BICC1: variants seen among roughly 807,000 people sequenced by gnomAD.
BICC1 encodes protein bicaudal C homolog 1.
In BICC1, 43 loss-of-function variants were observed where a neutral mutation model predicts 111.0. That is an observed-to-expected ratio of 0.39 (90% CI 0.30 to 0.50). BICC1 has a LOEUF of 0.50. Among genes scored for constraint, BICC1 ranks in the 20% least tolerant of loss-of-function variants. The probability of loss-of-function intolerance (pLI) is 0.88; values close to 1 mark genes in which losing one functional copy is unlikely to be tolerated. For synonymous variants in BICC1, 467 were observed against 434.4 expected (o/e 1.07, Z -0.93); for missense variants, 1,091 against 1,203.2 (o/e 0.91, Z 1.38).
intron 1 of BICC1, among the ~76,000 whole-genome samples, chr10:58,577,235 C>T (rs1844139805): frequency 6.6e-6 from 1 of 152,042 alleles, no homozygotes; most frequent in African/African-American, 2.4e-5. Context: ...CACAACAGAC[C>T]CAAGAAGTGG....
At chr10:58,708,149 A>ATTT (rs1225115993) in intron 3 of BICC1, among the ~76,000 whole-genome samples, 3 of 70,080 alleles carry the variant, frequency 4.3e-5, no homozygotes, top group African/African-American at 1.7e-4. Flanking sequence ...TAGCCAGCCA[A>ATTT]TTTTTTTTTT....
At chr10:58,764,916 G>A (rs1286460283) in intron 3 of BICC1, among the ~76,000 whole-genome samples, 1 of 152,140 alleles carries the variant, frequency 6.6e-6, no homozygotes, top group Non-Finnish European at 1.5e-5. Context: ...GGTGATAACT[G>A]TAAATTAGGA....
chr10:58,598,871 A>G (rs1844926327), intron 1 of BICC1, among the ~76,000 whole-genome samples: 1 of 152,232 alleles, frequency 6.6e-6, no homozygotes, highest in Non-Finnish European at 1.5e-5. Context: ...TCAAAATAAG[A>G]CATTTATGCG....
chr10:58,633,633 C>G (rs1180456048), intron 2 of BICC1, among the ~76,000 whole-genome samples: 1 of 152,048 alleles, frequency 6.6e-6, no homozygotes. Flanking sequence ...AAGTTCTGAA[C>G]TTTTGATGAT....
At chr10:58,609,959 A>G (rs1845363206) in intron 1 of BICC1, among the ~76,000 whole-genome samples, 1 of 152,248 alleles carries the variant, frequency 6.6e-6, no homozygotes, top group Non-Finnish European at 1.5e-5. Flanking sequence ...TTATATAAGA[A>G]GAAATAGTGT....
intron 1 of BICC1, among the ~76,000 whole-genome samples, chr10:58,591,587 A>G (rs1426394391): frequency 2.0e-5 from 3 of 152,352 alleles, no homozygotes; most frequent in Admixed American, 6.5e-5. Flanking sequence ...ATTGATAAGT[A>G]TCATTACCTT....
At chr10:58,614,644 C>G (rs935620009) in intron 1 of BICC1, among the ~76,000 whole-genome samples, 1 of 151,942 alleles carries the variant, frequency 6.6e-6, no homozygotes, top group Non-Finnish European at 1.5e-5. Flanking sequence ...GAAATCTTTC[C>G]CTTTTTATTC....
At chr10:58,584,897 A>T (rs1380397067) in intron 1 of BICC1, among the ~76,000 whole-genome samples, 1 of 152,206 alleles carries the variant, frequency 6.6e-6, no homozygotes, top group Admixed American at 6.5e-5. Context: ...GTCAAGTTAT[A>T]AATGATTATA....
chr10:58,711,811 T>TG (rs1196872386), intron 3 of BICC1, among the ~76,000 whole-genome samples: 1 of 151,170 alleles, frequency 6.6e-6, no homozygotes, highest in Non-Finnish European at 1.5e-5. Flanking sequence ...TTTTTTTGTT[T>TG]TTTTTTTTTA....
intron 1 of BICC1, among the ~76,000 whole-genome samples, chr10:58,561,923 T>G (rs1399975699): frequency 3.3e-5 from 5 of 152,304 alleles, no homozygotes; most frequent in Non-Finnish European, 7.4e-5. Flanking sequence ...CAGTTTTCTT[T>G]CAGCATTTTG....
chr10:58,688,871 G>T (rs1839830365), intron 2 of BICC1, among the ~76,000 whole-genome samples: 1 of 152,024 alleles, frequency 6.6e-6, no homozygotes. Context: ...ACACACTGGG[G>T]CCTGTTGGGG....
chr10:58,782,880 T>A (rs1321923563), intron 3 of BICC1, among the ~76,000 whole-genome samples: 1 of 152,162 alleles, frequency 6.6e-6, no homozygotes, highest in Non-Finnish European at 1.5e-5. Context: ...GATCTGTCTG[T>A]TTACATAAGT....
intron 2 of BICC1, among the ~76,000 whole-genome samples, chr10:58,642,720 A>C (rs1407067905): frequency 9.3e-6 from 1 of 107,696 alleles, no homozygotes; most frequent in Non-Finnish European, 2.0e-5. Flanking sequence ...TATTATTATT[A>C]TTGAGGCAGG....
chr10:58,697,841 G>C (rs1447804650), intron 2 of BICC1, among the ~76,000 whole-genome samples: 1 of 151,292 alleles, frequency 6.6e-6, no homozygotes, highest in African/African-American at 2.4e-5. Context: ...GCCCCCGGAT[G>C]CAATAATCTA....
chr10:58,725,842 A>AT (rs887086304), intron 3 of BICC1, among the ~76,000 whole-genome samples: 1 of 152,130 alleles, frequency 6.6e-6, no homozygotes, highest in African/African-American at 2.4e-5. Flanking sequence ...AAAGGGAATA[A>AT]TTTTTTTATG....
At chr10:58,825,675 G>A (rs947237582) in intron 20 of BICC1, among the ~76,000 whole-genome samples, 2 of 152,252 alleles carry the variant, frequency 1.3e-5, no homozygotes, top group South Asian at 2.1e-4. Context: ...CAGTGAGCTC[G>A]ATGTTACAAG....
intron 3 of BICC1, among the ~76,000 whole-genome samples, chr10:58,736,607 G>A (rs576169868): frequency 6.6e-6 from 1 of 151,894 alleles, no homozygotes; most frequent in South Asian, 2.1e-4. Flanking sequence ...CTTTCCATTG[G>A]GTATCTCCAT....
At chr10:58,538,197 T>G (rs1454911821) in intron 1 of BICC1, among the ~76,000 whole-genome samples, 3 of 151,380 alleles carry the variant, frequency 2.0e-5, no homozygotes, top group African/African-American at 4.8e-5. Context: ...AATCTGAAGG[T>G]GACATCACAT....
intron 19 of BICC1, among the ~76,000 whole-genome samples, chr10:58,818,217 T>C (rs1160139505): frequency 3.3e-5 from 5 of 152,152 alleles, no homozygotes; most frequent in Non-Finnish European, 7.4e-5. Flanking sequence ...TTCATTAACT[T>C]ATTGTTTGGG....
Sources: gnomAD v4.1 joint callset for allele counts (sites outside exome capture counted in the v4.1 genomes callset) on GRCh38, gnomAD v4.1.1 for gene constraint, MANE v1.5 for transcripts, NCBI Gene and HGNC (gene_info 2026-07-23, HGNC 2026-07-21) for gene names.